Variants in TMEM232 observed in about 807,000 individuals in gnomAD.
TMEM232 encodes transmembrane protein 232.
A neutral mutation model predicts 78.8 loss-of-function variants in TMEM232; 80 were observed. The ratio of observed to expected loss-of-function variants is 1.01; its 90% CI spans 0.85 to 1.22. The LOEUF is 1.22. TMEM232 is among the 50% of genes most tolerant of loss of function. The pLI is 0.00. For synonymous variants in TMEM232, 297 were observed against 254.3 expected, an observed-to-expected ratio of 1.17 and a Z score of -1.60; for missense variants, 881 against 742.2, an observed-to-expected ratio of 1.19 and a Z score of -2.17.
At chr5:110,533,769 C>T (rs193039804) in intron 11 of TMEM232, among the ~76,000 whole-genome samples, 185 of 152,174 alleles carry the variant, frequency 1.2e-3, no homozygotes, top group African/African-American at 4.2e-3. Flanking sequence ...CCCATTTCCC[C>T]ACATTTCCTT....
intron 12 of TMEM232, among the ~76,000 whole-genome samples, 160 bp downstream of exon 12, chr5:110,528,428 G>A (rs1770928964): frequency 6.6e-6 from 1 of 151,728 alleles, no homozygotes; most frequent in Non-Finnish European, 1.5e-5. Flanking sequence ...GAGAAGGGAG[G>A]AACTAGCTCA....
At chr5:110,546,487 C>A (rs1460323247) in intron 11 of TMEM232, among the ~76,000 whole-genome samples, 1 of 151,888 alleles carries the variant, frequency 6.6e-6, no homozygotes, top group Non-Finnish European at 1.5e-5. Context: ...TTAGAATGTA[C>A]AGTAGTTTAT....
chr5:110,579,500 T>G (rs1472700850), intron 10 of TMEM232, among the ~76,000 whole-genome samples: 1 of 151,800 alleles, frequency 6.6e-6, no homozygotes, highest in African/African-American at 2.4e-5. Flanking sequence ...AAAAATATGT[T>G]AATGTATACA....
At chr5:110,663,087 AATGT>A (rs1333363325) in intron 2 of TMEM232, among the ~76,000 whole-genome samples, 1 of 152,146 alleles carries the variant, frequency 6.6e-6, no homozygotes, top group Non-Finnish European at 1.5e-5. Context: ...CCCATACAGC[AATGT>A]ATGAAACGTT....
Position 110,698,717 on chromosome 5 carries a change from T to G in TMEM232, c.-13+27910A>C, listed in dbSNP as rs559070485. ...GACCTCTAAGAGGAGTAGTACATCA[T>G]GTGTTTGCTAAGTTCTCCCTAGGGT... is the stretch of plus-strand genomic sequence containing the variant. On this transcript the variant is annotated intron_variant, in intron 1 of 13. Coordinates refer to ENST00000455884, the MANE Select transcript of TMEM232 (RefSeq NM_001039763.4). 9.2e-5 allele frequency among the ~76,000 whole-genome samples: 14 copies of G among 152,180 alleles called. No individual in the cohort carries two copies. In the East Asian group the frequency reaches 2.5e-3, roughly 27 times the overall value.
At chr5:110,505,755 C>T (rs1324731502) in intron 12 of TMEM232, among the ~76,000 whole-genome samples, 1 of 152,140 alleles carries the variant, frequency 6.6e-6, no homozygotes, top group East Asian at 1.9e-4. Context: ...AGTGATCTGC[C>T]CTTCTCAGCC....
chr5:110,461,219 A>T (rs1761489985), intron 12 of TMEM232, among the ~76,000 whole-genome samples: 1 of 152,132 alleles, frequency 6.6e-6, no homozygotes, highest in East Asian at 1.9e-4. Context: ...TATTAAAGGA[A>T]ATTAAAAGTG....
Position 110,409,647 on chromosome 5 carries a change from A to G in TMEM232, n.309-11793T>C, listed in dbSNP as rs758227264. On this transcript the variant is annotated intron_variant and non_coding_transcript_variant, in intron 2 of 8. Coordinates refer to the TMEM232 transcript ENST00000507188. ...AGAAAGCCCTTAGAGATAACTTTCT[A>G]TGTCATTCCTGTTCCCCCATCTGTT... 4.6e-5 allele frequency among the ~76,000 whole-genome samples: 7 copies of G among 151,850 alleles called. No individual in the cohort carries two copies. The East Asian group carries it at 7.7e-4, about 17-fold the overall frequency.
intron 1 of TMEM232, among the ~76,000 whole-genome samples, chr5:110,703,665 A>C (rs1795651531): frequency 6.6e-6 from 1 of 152,094 alleles, no homozygotes; most frequent in South Asian, 2.1e-4. Context: ...AGGAGTAGGA[A>C]AATATTTATT....
intron 2 of TMEM232, among the ~76,000 whole-genome samples, chr5:110,399,795 C>T (rs1311184092): frequency 6.6e-6 from 1 of 152,148 alleles, no homozygotes; most frequent in Non-Finnish European, 1.5e-5. Flanking sequence ...GACAAATTCC[C>T]TGGTTGCCCT....
At chr5:110,702,790 T>C (rs549991002) in intron 1 of TMEM232, among the ~76,000 whole-genome samples, 1 of 151,894 alleles carries the variant, frequency 6.6e-6, no homozygotes, top group Non-Finnish European at 1.5e-5. Flanking sequence ...TAGAAAGCAA[T>C]CCCTTACCTA....
At chr5:110,475,236 A>G (rs1400868329) in intron 12 of TMEM232, among the ~76,000 whole-genome samples, 2 of 151,900 alleles carry the variant, frequency 1.3e-5, no homozygotes, top group Non-Finnish European at 2.9e-5. Context: ...CAGTGCTATG[A>G]GGAAAGCCTG....
At chr5:110,715,081 GA>G (rs1796880984) in intron 1 of TMEM232, among the ~76,000 whole-genome samples, 1 of 151,984 alleles carries the variant, frequency 6.6e-6, no homozygotes, top group Non-Finnish European at 1.5e-5. Context: ...TTCATTCAAA[GA>G]ATATAAATAA....
chr5:110,732,478 C>G (rs1798775123), intron 2 of TMEM232, among the ~76,000 whole-genome samples: 1 of 152,136 alleles, frequency 6.6e-6, no homozygotes, highest in African/African-American at 2.4e-5. Flanking sequence ...CTGCAGAGGC[C>G]TCAGAATCAT....
chr5:110,618,413 A>G lies in TMEM232; in HGVS notation c.902+16T>C, dbSNP rs371961406. 93 of 1,548,118 alleles carry G rather than the reference A, an allele frequency of 6.0e-5. 1 individual carries two copies. The African/African-American group carries it at 1.0e-3, about 17-fold the overall frequency. ...TTTCTCCATGAGTTACTTTGGATTT[A>G]TAGGATCACTCTTACCAGCATTTCT... On this transcript the variant is annotated intron_variant, in intron 8 of 13. Coordinates refer to ENST00000455884, the MANE Select transcript of TMEM232 (RefSeq NM_001039763.4).
chr5:110,602,276 A>G (rs1781009717), intron 10 of TMEM232, among the ~76,000 whole-genome samples: 1 of 152,190 alleles, frequency 6.6e-6, no homozygotes, highest in Non-Finnish European at 1.5e-5. Flanking sequence ...CAATGGCAAC[A>G]AAAGCCAAAA....
At chr5:110,621,214 T>G (rs1580390212) in intron 7 of TMEM232, among the ~76,000 whole-genome samples, 3 of 152,166 alleles carry the variant, frequency 2.0e-5, no homozygotes, top group Middle Eastern at 3.4e-3. Flanking sequence ...AAAAATAAAT[T>G]TATCAAACTT....
chr5:110,550,401 T>C (rs913228824), intron 11 of TMEM232, among the ~76,000 whole-genome samples: 7 of 152,126 alleles, frequency 4.6e-5, no homozygotes, highest in African/African-American at 1.4e-4. Flanking sequence ...TTCAGTCCTG[T>C]ACTAAAAGTG....
At chr5:110,714,627 C>T (rs1796843401) in intron 1 of TMEM232, among the ~76,000 whole-genome samples, 1 of 152,054 alleles carries the variant, frequency 6.6e-6, no homozygotes, top group South Asian at 2.1e-4. Context: ...CACACACACA[C>T]AAACTAGAAA....
Sources: gnomAD v4.1 joint callset for allele counts (sites outside exome capture counted in the v4.1 genomes callset) on GRCh38, gnomAD v4.1.1 for gene constraint, MANE v1.5 for transcripts, NCBI Gene and HGNC (gene_info 2026-07-23, HGNC 2026-07-21) for gene names.